RAPGEF4: variants seen among roughly 807,000 people sequenced by gnomAD.
RAPGEF4 encodes Rap guanine nucleotide exchange factor 4.
A neutral mutation model predicts 147.9 loss-of-function variants in RAPGEF4; 66 were observed. The ratio of observed to expected loss-of-function variants is 0.45; its 90% CI spans 0.37 to 0.55. RAPGEF4 has a LOEUF of 0.55. Ranked by LOEUF, RAPGEF4 falls within the 20% of genes least tolerant of loss-of-function variation. The probability of loss-of-function intolerance (pLI) is 0.00; values close to 1 mark genes in which losing one functional copy is unlikely to be tolerated. For missense variants in RAPGEF4, 1,071 were observed against 1,257.3 expected (o/e 0.85, Z 2.24); for synonymous variants, 419 against 442.7 (o/e 0.95, Z 0.67).
rs141896512 is a variant in RAPGEF4 at position 173,052,523 on chromosome 2, T to G, written c.*756T>G. The G allele has an allele frequency of 2.0e-5, 3 of 152,736 alleles. No individual in the cohort carries two copies. The highest frequency in any genetic ancestry group is 7.2e-5 in the African/African-American group (3 of 41,568). The allele number at this position is 152,736 out of a possible 1,614,324, so 9.5% of individuals were successfully genotyped here. A position where few individuals can be genotyped will look rare whatever the true frequency, so the allele number is the denominator to read the frequency against. ...GAAGAGCACAATATGCATAAAACAT[T>G]TTTCAAAATTGAAATATTTTCCTGG... is the stretch of plus-strand genomic sequence containing the variant. On this transcript the variant is annotated 3_prime_UTR_variant, in exon 31 of 31. Transcript: ENST00000397081.
intron 4 of RAPGEF4, among the ~76,000 whole-genome samples, chr2:172,900,096 C>T (rs577347826): frequency 6.6e-6 from 1 of 152,248 alleles, no homozygotes; most frequent in Admixed American, 6.5e-5. Context: ...AGGACTCACT[C>T]GAGAGGCAGA....
chr2:173,005,113 T>G (rs1423445841), intron 17 of RAPGEF4, among the ~76,000 whole-genome samples: 1 of 89,164 alleles, frequency 1.1e-5, no homozygotes, highest in South Asian at 3.4e-4. Flanking sequence ...ATTTCCACGG[T>G]TTTTTTCTTT....
intron 10 of RAPGEF4, among the ~76,000 whole-genome samples, chr2:172,977,746 A>G (rs551951649): frequency 1.3e-5 from 2 of 152,234 alleles, no homozygotes; most frequent in Admixed American, 1.3e-4. Context: ...CTCACAGCAA[A>G]TCTCTCATGA....
chr2:172,927,604 C>T (rs1685502132), intron 6 of RAPGEF4, among the ~76,000 whole-genome samples: 1 of 151,610 alleles, frequency 6.6e-6, no homozygotes, highest in Admixed American at 6.6e-5. Context: ...CACTGCACTC[C>T]AGCCTGGGTG....
intron 4 of RAPGEF4, among the ~76,000 whole-genome samples, chr2:172,839,517 G>A (rs1691348273): frequency 6.6e-6 from 1 of 152,050 alleles, no homozygotes; most frequent in Non-Finnish European, 1.5e-5. Context: ...AGGATGCCCA[G>A]AGGTCAGTCT....
chr2:172,829,962 TC>T (rs1329087845), intron 4 of RAPGEF4, among the ~76,000 whole-genome samples: 1 of 151,768 alleles, frequency 6.6e-6, no homozygotes, highest in African/African-American at 2.4e-5. Context: ...ATTTTTATAT[TC>T]CATATATATT....
At chr2:172,897,387 GT>G (rs1698587173) in intron 4 of RAPGEF4, among the ~76,000 whole-genome samples, 1 of 151,832 alleles carries the variant, frequency 6.6e-6, no homozygotes, top group African/African-American at 2.4e-5. Context: ...GGTTTTTGGG[GT>G]TTTTTAAAAA....
chr2:172,792,845 C>A (rs949864855), intron 1 of RAPGEF4, among the ~76,000 whole-genome samples: 13 of 152,208 alleles, frequency 8.5e-5, no homozygotes, highest in African/African-American at 3.1e-4. Flanking sequence ...GTACCTGCCA[C>A]TTACACAGAA....
intron 6 of RAPGEF4, among the ~76,000 whole-genome samples, chr2:172,926,458 A>G (rs1685368708): frequency 6.6e-6 from 1 of 152,208 alleles, no homozygotes; most frequent in Non-Finnish European, 1.5e-5. Context: ...GAGCTGGAGA[A>G]GTAGACTCAC....
chr2:172,932,240 A>G (rs1194542808), intron 6 of RAPGEF4, among the ~76,000 whole-genome samples: 1 of 152,254 alleles, frequency 6.6e-6, no homozygotes, highest in Non-Finnish European at 1.5e-5. Flanking sequence ...CAAAATAACC[A>G]GCTCATTCAC....
chr2:172,965,881 C>G (rs1204527739), intron 9 of RAPGEF4, among the ~76,000 whole-genome samples, 198 bp downstream of exon 9: 5 of 152,204 alleles, frequency 3.3e-5, no homozygotes, highest in African/African-American at 1.2e-4. Context: ...TTGTACCTTC[C>G]TAACTTGGGA....
chr2:173,013,420 C>A (rs765920932), intron 17 of RAPGEF4, among the ~76,000 whole-genome samples: 8 of 152,272 alleles, frequency 5.3e-5, no homozygotes, highest in Middle Eastern at 3.4e-3. Flanking sequence ...AGAAATGGAG[C>A]GACACTTTCA....
intron 6 of RAPGEF4, among the ~76,000 whole-genome samples, chr2:172,952,935 T>C (rs1688350163): frequency 1.3e-5 from 2 of 152,230 alleles, no homozygotes; most frequent in African/African-American, 4.8e-5. Context: ...TGTTAGGGTA[T>C]GTTGCGGAGA....
intron 3 of RAPGEF4, among the ~76,000 whole-genome samples, chr2:172,799,714 A>G (rs1210782359): frequency 6.6e-6 from 1 of 152,194 alleles, no homozygotes; most frequent in African/African-American, 2.4e-5. Flanking sequence ...ATGTGACAAA[A>G]GAGAGGAAAG....
At chr2:172,784,950 C>T (rs1274920538) in intron 1 of RAPGEF4, among the ~76,000 whole-genome samples, 1 of 152,074 alleles carries the variant, frequency 6.6e-6, no homozygotes, top group Non-Finnish European at 1.5e-5. Flanking sequence ...CTCAGCCTCC[C>T]GAGTAGCTGG....
intron 29 of RAPGEF4, among the ~76,000 whole-genome samples, chr2:173,046,020 A>G (rs919253350): frequency 2.0e-5 from 3 of 152,252 alleles, no homozygotes; most frequent in African/African-American, 7.2e-5. Context: ...ATTTGTAACT[A>G]TGCATTGACC....
intron 4 of RAPGEF4, among the ~76,000 whole-genome samples, chr2:172,890,461 T>G (rs990524850): frequency 6.6e-6 from 1 of 152,224 alleles, no homozygotes; most frequent in African/African-American, 2.4e-5. Flanking sequence ...GAGTAATCAT[T>G]GGTTATTTTG....
chr2:172,979,763 C>T (rs1190762011), intron 10 of RAPGEF4, among the ~76,000 whole-genome samples: 2 of 152,156 alleles, frequency 1.3e-5, no homozygotes, highest in Non-Finnish European at 1.5e-5. Context: ...TGCCTGTAAT[C>T]CCAGCATTTT....
At chr2:172,938,295 C>T (rs1250183831) in intron 6 of RAPGEF4, among the ~76,000 whole-genome samples, 1 of 152,064 alleles carries the variant, frequency 6.6e-6, no homozygotes, top group Non-Finnish European at 1.5e-5. Context: ...ATACTGATTT[C>T]TCCAACTCTA....
Sources: allele counts gnomAD v4.1 joint callset (sites outside exome capture counted in the v4.1 genomes callset), GRCh38; gene constraint gnomAD v4.1.1; transcripts MANE v1.5; gene names NCBI Gene and HGNC (gene_info 2026-07-23, HGNC 2026-07-21).